Variants in ZNF217 observed in about 807,000 individuals in gnomAD.
ZNF217 encodes the protein zinc finger protein 217.
ZNF217 carries 12 observed loss-of-function variants against 73.3 expected under a neutral mutation model. The ratio of observed to expected loss-of-function variants is 0.16; its 90% CI spans 0.10 to 0.27. ZNF217 has a LOEUF of 0.27. Among genes scored for constraint, ZNF217 ranks in the 10% least tolerant of loss-of-function variants. The pLI is 1.00. For missense variants in ZNF217, 1,195 were observed against 1,327.8 expected (o/e 0.90, Z 1.55); for synonymous variants, 588 against 516.4 (o/e 1.14, Z -1.88).
At chr20:53,593,418 G>C (rs1189796155) in intron 1 of ZNF217, among the ~76,000 whole-genome samples, 1 of 151,830 alleles carries the variant, frequency 6.6e-6, no homozygotes, top group Non-Finnish European at 1.5e-5. Flanking sequence ...CCAACTTTTC[G>C]GAACAGCCCC....
At chr20:53,575,437 C>T (rs1428793766) in intron 4 of ZNF217, 7 of 289,402 alleles carry the variant, frequency 2.4e-5, no homozygotes, top group African/African-American at 1.5e-4. Context: ...TACACCGCTG[C>T]ACTCCAATCT....
At chr20:53,577,876 C>T (rs1988340981) in intron 3 of ZNF217, among the ~76,000 whole-genome samples, 1 of 152,168 alleles carries the variant, frequency 6.6e-6, no homozygotes. Context: ...CTATGGGAGG[C>T]CAAGGTGAGC....
At position 53,576,220 on chromosome 20, in the gene ZNF217, G is replaced by C; in HGVS notation, c.2544C>G (p.Ser848=). The change falls in exon 4 of 6, where the codon TCC becomes TCG. Residue 848 remains serine, a synonymous_variant. Coordinates refer to ENST00000371471, the MANE Select transcript of ZNF217 (RefSeq NM_006526.3). The stretch of plus-strand genomic sequence containing the variant: ...GTCTTTTTGTCTTATCCGGTGCAGG[G>C]GAAACACTGGTTTTAGGAAACATCT... The part of the protein sequence containing the change: ...QSEMFPKTSV[S]PAPDKTKRPE... 1 of 1,614,182 alleles carries C rather than the reference G, an allele frequency of 6.2e-7. No individual in the cohort carries two copies. The highest frequency in any genetic ancestry group is 8.5e-7 in the Non-Finnish European group (1 of 1,180,044).
chr20:53,575,487 G>A (rs1432462076), intron 4 of ZNF217: 2 of 432,836 alleles, frequency 4.6e-6, no homozygotes, highest in South Asian at 4.9e-5. Context: ...AATAAAGTAA[G>A]ACTAAACAAA....
At chr20:53,595,046 CAA>C (rs55752265), upstream of ZNF217, among the ~76,000 whole-genome samples, 123 of 105,218 alleles carry the variant, frequency 1.2e-3, no homozygotes, top group South Asian at 5.7e-3. Flanking sequence ...AAAAAAGGGA[CAA>C]AAAAAAAAAA....
rs534730377 is a variant in ZNF217, at chr20:53,576,117, C to T, written c.2647G>A (p.Asp883Asn). 1.9e-6 allele frequency: 3 copies of T among 1,614,104 alleles called. No homozygotes were observed. Among genetic ancestry groups the T allele is most frequent in the African/African-American group, 1.3e-5 (1 of 75,008 alleles). ...GGGCTGTCGTTCTTGGCGGGGTAGT[C>T]GATGGAACCATTGATGTTACTGCTG... ...LGSSNINGSI[D>N]YPAKNDSPWA... is the part of the protein sequence containing the mutation. Residue 883 changes from aspartate (D) to asparagine (N), a missense_variant, in exon 4 of 6, where the codon GAC (aspartate) becomes AAC (asparagine). By Grantham distance (23) the Asp-to-Asn change is conservative. This residue lies in a region of ZNF217 where 649 missense variants were observed against 642.8 expected (regional missense o/e 1.01). Transcript: ENST00000371471.
chr20:53,594,339 C>G (rs956865627), upstream of ZNF217, among the ~76,000 whole-genome samples: 8 of 143,460 alleles, frequency 5.6e-5, no homozygotes, highest in Admixed American at 3.4e-4. Flanking sequence ...CCTTCACCGG[C>G]CGCCCCGCCC....
At chr20:53,579,285 T>C (rs964296171) in intron 2 of ZNF217, among the ~76,000 whole-genome samples, 1 of 152,122 alleles carries the variant, frequency 6.6e-6, no homozygotes, top group African/African-American at 2.4e-5. Context: ...ACATGAATGT[T>C]TAAGTTTTAA....
At chr20:53,591,257 A>G (rs1318433551) in intron 1 of ZNF217, among the ~76,000 whole-genome samples, 1 of 152,266 alleles carries the variant, frequency 6.6e-6, no homozygotes, top group Non-Finnish European at 1.5e-5. Context: ...AAGCGTTAGA[A>G]AAGTGTTGTG....
upstream of ZNF217, among the ~76,000 whole-genome samples, chr20:53,596,661 A>G (rs761245504): frequency 6.6e-6 from 1 of 152,192 alleles, no homozygotes; most frequent in African/African-American, 2.4e-5. Context: ...CTAGGAACTC[A>G]TACTGCACAA....
rs191957575 is a variant in ZNF217, at chr20:53,578,756, G to A, written c.1367-306C>T. 9.6e-4 allele frequency among the ~76,000 whole-genome samples: 146 copies of A among 152,220 alleles called. 2 individuals carry two copies. In the East Asian group the frequency reaches 0.017, roughly 17 times the overall value. On this transcript the variant is annotated intron_variant, in intron 2 of 5. Coordinates refer to ENST00000371471, the MANE Select transcript of ZNF217 (RefSeq NM_006526.3). ...GATCATTTCATAGACTGAATTGCCC[G>A]GGCAGCTTCCGGTTCTCAGTGTCTC...
In ZNF217 at chr20:53,581,365, T is replaced by C; in HGVS notation, c.1366+96A>G. The C allele has an allele frequency of 1.3e-6, 2 of 1,491,172 alleles. No homozygotes were observed. The highest frequency in any genetic ancestry group is 1.8e-6 in the Non-Finnish European group (2 of 1,123,152). The allele number at this position is 1,491,172 out of a possible 1,614,324, so 92.4% of individuals were successfully genotyped here. A position where few individuals can be genotyped will look rare whatever the true frequency, so the allele number is the denominator to read the frequency against. ...ACTCTGGCTCTCCAAACCCCATTCC[T>C]GGCCAGCGTTGTCTGGAGATGGGAA... is the stretch of plus-strand genomic sequence containing the variant. On this transcript the variant is annotated intron_variant, in intron 2 of 5. Coordinates refer to ENST00000371471, the MANE Select transcript of ZNF217 (RefSeq NM_006526.3). The surrounding 1 kb of genome is among the most constrained non-coding windows in gnomAD (Gnocchi z 4.9).
rs1600705665 is a variant in ZNF217 at position 53,567,666 on chromosome 20, A to T, written c.*1622T>A. 1 of 152,758 alleles carries T rather than the reference A, an allele frequency of 6.5e-6. No homozygotes were observed. The highest frequency in any genetic ancestry group is 2.4e-5 in the African/African-American group (1 of 41,572). The allele number at this position is 152,758 out of a possible 1,614,324, so 9.5% of individuals were successfully genotyped here. A position where few individuals can be genotyped will look rare whatever the true frequency, so the allele number is the denominator to read the frequency against. The stretch of plus-strand genomic sequence containing the variant: ...AAACTATGAAAACAAAATCTAGATT[A>T]TGTACATATGGCTCAGCTTGTGAAC... On this transcript the variant is annotated 3_prime_UTR_variant, in exon 6 of 6. Coordinates refer to ENST00000371471, the MANE Select transcript of ZNF217 (RefSeq NM_006526.3).
chr20:53,569,389 T>C (rs1323466702), intron 5 of ZNF217, 125 bp from the exon 6 acceptor site: 4 of 689,234 alleles, frequency 5.8e-6, no homozygotes, highest in Non-Finnish European at 4.0e-6. Context: ...GTTCTATTTG[T>C]TGTTGTTGTT....
intron 4 of ZNF217, chr20:53,575,449 G>C (rs1988215611): frequency 6.2e-6 from 2 of 321,100 alleles, no homozygotes; most frequent in Non-Finnish European, 1.1e-5. Flanking sequence ...CTCCAATCTA[G>C]ATGACGGAGC....
At chr20:53,571,603 C>T (rs1441611085) in intron 5 of ZNF217, 118 bp downstream of exon 5, 3 of 1,289,202 alleles carry the variant, frequency 2.3e-6, no homozygotes, top group East Asian at 5.5e-5. Flanking sequence ...ACAGGGGTTT[C>T]ACCATGTTGG....
rs755258720 is a variant in ZNF217 at position 53,581,571 on chromosome 20, G to A, written c.1256C>T (p.Thr419Met). The A allele has an allele frequency of 5.6e-6, 9 of 1,614,094 alleles. No homozygotes were observed. The highest frequency in any genetic ancestry group is 5.5e-5 in the South Asian group (5 of 91,088). Residue 419 changes from threonine (T) to methionine (M), a missense_variant, in exon 2 of 6, where the codon ACG (threonine) becomes ATG (methionine). By Grantham distance (81) the Thr-to-Met change is moderately conservative. Coordinates refer to ENST00000371471, the MANE Select transcript of ZNF217 (RefSeq NM_006526.3). The surrounding 1 kb of genome is among the most constrained non-coding windows in gnomAD (Gnocchi z 4.9). ...TMSVDGRQPGTCSPDLAAPLD... is the reference protein window; with the variant it reads ...TMSVDGRQPGMCSPDLAAPLD... The stretch of plus-strand genomic sequence containing the variant: ...AGGGGCGGCGAGGTCAGGAGAACAC[G>A]TCCCCGGCTGCCTCCCGTCCACAGA...
At chr20:53,593,464 G>A (rs925134217) in intron 1 of ZNF217, among the ~76,000 whole-genome samples, 5 of 151,124 alleles carry the variant, frequency 3.3e-5, no homozygotes, top group African/African-American at 9.7e-5. Flanking sequence ...GCTCCCGGCG[G>A]AGATTCAGGG....
chr20:53,589,783 G>C (rs1359727516), intron 1 of ZNF217, among the ~76,000 whole-genome samples: 2 of 152,132 alleles, frequency 1.3e-5, no homozygotes, highest in Non-Finnish European at 2.9e-5. Context: ...TCTAAAATGA[G>C]GCCATTAAGT....
Sources: gnomAD v4.1 joint callset for allele counts (sites outside exome capture counted in the v4.1 genomes callset) on GRCh38, gnomAD v4.1.1 for gene constraint, gnomAD v4.1.1 regional missense constraint, Gnocchi (gnomAD v3.1) non-coding constraint, MANE v1.5 for transcripts, NCBI Gene and HGNC (gene_info 2026-07-23, HGNC 2026-07-21) for gene names.